JAKMIP3: variants seen among roughly 807,000 people sequenced by gnomAD.
The protein encoded by JAKMIP3 is janus kinase and microtubule-interacting protein 3.
Under a neutral mutation model 118.5 loss-of-function variants are expected in JAKMIP3, and 58 were observed. That is an observed-to-expected ratio of 0.49 (90% CI 0.40 to 0.61). The LOEUF (loss-of-function observed/expected upper bound fraction) is 0.61, where lower values mean the gene tolerates loss of function less well. Ranked by LOEUF, JAKMIP3 falls within the 20% of genes least tolerant of loss-of-function variation. The probability of loss-of-function intolerance (pLI) is 0.00; values close to 1 mark genes in which losing one functional copy is unlikely to be tolerated. For synonymous variants in JAKMIP3, 486 were observed against 451.2 expected (o/e 1.08, Z -0.98); for missense variants, 950 against 1,109.0 (o/e 0.86, Z 2.04).
At chr10:132,174,055 G>C (rs925782701) in intron 23 of JAKMIP3, among the ~76,000 whole-genome samples, 2 of 151,388 alleles carry the variant, frequency 1.3e-5, no homozygotes, top group Non-Finnish European at 2.9e-5. Context: ...TGCCTGTGGT[G>C]GTCTCTGGTG....
chr10:132,159,951 G>T (rs36194545), intron 19 of JAKMIP3, among the ~76,000 whole-genome samples: 1 of 34,930 alleles, frequency 2.9e-5, no homozygotes, highest in African/African-American at 1.1e-4. Context: ...GATGCTGGGG[G>T]GGCCTCTTCC....
chr10:132,110,473 G>A (rs1240446064), intron 2 of JAKMIP3, among the ~76,000 whole-genome samples: 1 of 152,262 alleles, frequency 6.6e-6, no homozygotes, highest in African/African-American at 2.4e-5. Context: ...TTGAACAGCC[G>A]AGGGAGGGGA....
chr10:132,037,853 C>G (rs2037564258), intron 1 of JAKMIP3, among the ~76,000 whole-genome samples: 1 of 152,024 alleles, frequency 6.6e-6, no homozygotes, highest in Admixed American at 6.5e-5. Context: ...TACCCCTGCC[C>G]CGGGGGCCTG....
At chr10:132,107,103 C>T (rs944501090) in intron 2 of JAKMIP3, among the ~76,000 whole-genome samples, 5 of 151,354 alleles carry the variant, frequency 3.3e-5, no homozygotes, top group Admixed American at 6.6e-5. Context: ...CCATTTTGCC[C>T]GGGCTGGTCT....
chr10:132,079,423 G>T (rs778805651), intron 1 of JAKMIP3, among the ~76,000 whole-genome samples: 1 of 152,080 alleles, frequency 6.6e-6, no homozygotes, highest in African/African-American at 2.4e-5. Flanking sequence ...ATGCATTTTC[G>T]TTTTTGTTGT....
chr10:132,079,129 C>A (rs1336058912), intron 1 of JAKMIP3, among the ~76,000 whole-genome samples: 2 of 108,978 alleles, frequency 1.8e-5, no homozygotes, highest in Admixed American at 9.0e-5. Context: ...GCCCCCGCAA[C>A]GTGGGCACCT....
chr10:132,171,949 C>T (rs147368553), intron 23 of JAKMIP3, among the ~76,000 whole-genome samples: 2,200 of 152,224 alleles, frequency 0.014, 54 homozygotes, highest in African/African-American at 0.049. Context: ...CCCCTGCGCC[C>T]GGCCTGTCCC....
chr10:132,066,550 G>C (rs1453086027), intron 1 of JAKMIP3, among the ~76,000 whole-genome samples: 1 of 152,192 alleles, frequency 6.6e-6, no homozygotes, highest in Non-Finnish European at 1.5e-5. Flanking sequence ...TTTGCTGCTT[G>C]TTTTCCTTTT....
intron 3 of JAKMIP3, among the ~76,000 whole-genome samples, chr10:132,125,325 T>A (rs7098622): frequency 0.72 from 109,741 of 152,272 alleles, 39,989 homozygotes; most frequent in African/African-American, 0.76. Context: ...TTTTTTGAAA[T>A]GACCGTCCTT....
At chr10:132,156,124 G>A (rs955148877) in intron 19 of JAKMIP3, among the ~76,000 whole-genome samples, 3 of 152,156 alleles carry the variant, frequency 2.0e-5, no homozygotes, top group Non-Finnish European at 2.9e-5. Flanking sequence ...CTCTGCCCGC[G>A]CCTTCTGGGA....
In JAKMIP3 at chr10:132,097,938, TTTCCCTTTCCCA is replaced by T. The variant is rs2044193265; in HGVS notation, c.-137-6732_-137-6721del. ...CCTTCCCCTTTCCTTCCCCTTCCCC[TTTCCCTTTCCCA>T]TCCCCTTTCCCTTTCCTTCCTTTTC... is the stretch of plus-strand genomic sequence containing the variant. On this transcript the variant is annotated intron_variant, in intron 1 of 23. Transcript: ENST00000684848. 1.4e-4 allele frequency among the ~76,000 whole-genome samples: 8 copies of T among 57,082 alleles called. 1 individual carries two copies. Among genetic ancestry groups the T allele is most frequent in the Non-Finnish European group, 2.2e-4 (6 of 27,282 alleles). 37.4% of individuals were successfully genotyped at this position (57,082 alleles called of 152,430 possible).
chr10:132,064,407 G>A (rs1250108078), upstream of JAKMIP3, among the ~76,000 whole-genome samples: 1 of 152,154 alleles, frequency 6.6e-6, no homozygotes, highest in Non-Finnish European at 1.5e-5. This position sits in a 1 kb window ranked among gnomAD's most constrained non-coding sequence, Gnocchi z 4.4. Context: ...TCCGACTGAG[G>A]AGGAGCCACC....
At chr10:132,141,240 C>CT (rs1409228653) in intron 10 of JAKMIP3, among the ~76,000 whole-genome samples, 3 of 152,172 alleles carry the variant, frequency 2.0e-5, no homozygotes, top group African/African-American at 7.2e-5. Context: ...GTTGAGGGAT[C>CT]TAAGACATCC....
At chr10:132,177,170 C>A (rs1268300137) in intron 23 of JAKMIP3, among the ~76,000 whole-genome samples, 1 of 152,246 alleles carries the variant, frequency 6.6e-6, no homozygotes, top group Non-Finnish European at 1.5e-5. Flanking sequence ...TATAATGCAA[C>A]CATCTTGGTT....
Position 132,153,915 on chromosome 10 carries a change from G to C in JAKMIP3, c.2145G>C (p.Glu715Asp), listed in dbSNP as rs1259716108. The C allele has an allele frequency of 1.9e-6, 3 of 1,613,130 alleles. No individual in the cohort carries two copies. Among genetic ancestry groups the C allele is most frequent in the Non-Finnish European group, 2.5e-6 (3 of 1,179,836 alleles). Residue 715 changes from glutamate (E) to aspartate (D), a missense_variant and splice_region_variant, in exon 19 of 24, where the codon GAG becomes GAC. Physicochemically the swap from Glu to Asp is conservative, Grantham distance 45. Transcript: ENST00000684848. Reference protein sequence around the residue: ...RKMVDLESEKELFSKQKGYLD... With the variant: ...RKMVDLESEKDLFSKQKGYLD... ...GGCATGGCCCTCCTGTGTTTCAGGA[G>C]CTGTTCAGTAAGCAGAAGGGCTACC... is the stretch of plus-strand genomic sequence containing the variant.
chr10:132,165,870 G>A (rs1403184272), intron 21 of JAKMIP3, among the ~76,000 whole-genome samples: 1 of 152,242 alleles, frequency 6.6e-6, no homozygotes, highest in Non-Finnish European at 1.5e-5. Context: ...TCCAGGCCAC[G>A]TGGGGAAGCA....
rs946366335 is a variant in JAKMIP3 at position 132,113,528 on chromosome 10, C to T, written c.136-3549C>T. ...TGCTAAGGACGTTAGGTTGTATTTACGCAGCAGACTGCCCTGCAGCCATTA... is the reference window on the plus strand; with the variant it reads ...TGCTAAGGACGTTAGGTTGTATTTATGCAGCAGACTGCCCTGCAGCCATTA... On this transcript the variant is annotated intron_variant, in intron 2 of 23. Coordinates refer to ENST00000684848, the MANE Select transcript of JAKMIP3 (RefSeq NM_001323087.2). Among the ~76,000 whole-genome samples the T allele has an allele frequency of 2.6e-5, 4 of 152,242 alleles. No homozygotes were observed. The East Asian group carries it at 5.8e-4, about 22-fold the overall frequency.
At chr10:132,142,393 G>C (rs1047680019) in intron 11 of JAKMIP3, among the ~76,000 whole-genome samples, 1 of 152,208 alleles carries the variant, frequency 6.6e-6, no homozygotes, top group African/African-American at 2.4e-5. Context: ...GCAGCATGGC[G>C]ATGGCCCGTG....
rs894440834 is a variant in JAKMIP3 at position 132,126,588 on chromosome 10, T to C, written c.634-6724T>C. 8.0e-5 allele frequency among the ~76,000 whole-genome samples: 8 copies of C among 100,508 alleles called. 1 individual carries two copies. The East Asian group carries it at 3.6e-3, about 46-fold the overall frequency. The allele number at this position is 100,508 out of a possible 152,430, so 65.9% of individuals were successfully genotyped here. A position where few individuals can be genotyped will look rare whatever the true frequency, so the allele number is the denominator to read the frequency against. On this transcript the variant is annotated intron_variant, in intron 3 of 23. Coordinates refer to ENST00000684848, the MANE Select transcript of JAKMIP3 (RefSeq NM_001323087.2). Reference sequence around the variant, plus strand: ...ACAGGTGTGAGCCATTGCACTCTCCTAAAGTACTGTGATTACAGGTGTGAG... The same window carrying C: ...ACAGGTGTGAGCCATTGCACTCTCCCAAAGTACTGTGATTACAGGTGTGAG...
Sources: gnomAD v4.1 joint callset for allele counts (sites outside exome capture counted in the v4.1 genomes callset) on GRCh38, gnomAD v4.1.1 for gene constraint, Gnocchi (gnomAD v3.1) non-coding constraint, MANE v1.5 for transcripts, NCBI Gene and HGNC (gene_info 2026-07-23, HGNC 2026-07-21) for gene names.